TNFRSF8: variants seen among roughly 807,000 people sequenced by gnomAD.
The protein encoded by TNFRSF8 is TNF receptor superfamily member 8, also known as tumor necrosis factor receptor superfamily member 8.
TNFRSF8 carries 26 observed loss-of-function variants against 70.8 expected under a neutral mutation model. The observed-to-expected ratio is 0.37, with a 90% CI of 0.27 to 0.51. The LOEUF (loss-of-function observed/expected upper bound fraction) is 0.51, where lower values mean the gene tolerates loss of function less well. Ranked by LOEUF, TNFRSF8 falls within the 20% of genes least tolerant of loss-of-function variation. The pLI is 0.94. For missense variants in TNFRSF8, 720 were observed against 807.9 expected (o/e 0.89, Z 1.32); for synonymous variants, 356 against 339.2 (o/e 1.05, Z -0.54).
rs535847905 is a variant in TNFRSF8, at chr1:12,071,380, A to G, written c.63+7719A>G. On this transcript the variant is annotated intron_variant, in intron 1 of 14. Transcript: ENST00000263932. ...CTTGAACCTGGGAGGCAGAGGTTGC[A>G]TCAAGCTGAGATCGCAGCACTGCAC... 9.2e-5 allele frequency among the ~76,000 whole-genome samples: 14 copies of G among 152,376 alleles called. No individual in the cohort carries two copies. The South Asian group carries it at 2.9e-3, about 32-fold the overall frequency.
intron 14 of TNFRSF8, among the ~76,000 whole-genome samples, chr1:12,139,637 G>C (rs917790058): frequency 1.3e-5 from 2 of 152,192 alleles, no homozygotes; most frequent in African/African-American, 4.8e-5. Context: ...TTCTGGAAGG[G>C]TAACTGGCAC....
intron 1 of TNFRSF8, among the ~76,000 whole-genome samples, chr1:12,074,568 C>G (rs1640904000): frequency 6.6e-6 from 1 of 152,166 alleles, no homozygotes; most frequent in African/African-American, 2.4e-5. Context: ...GCATGAGCCA[C>G]CAGGCCCGGC....
intron 3 of TNFRSF8, among the ~76,000 whole-genome samples, chr1:12,098,213 T>C (rs1641363365): frequency 6.6e-6 from 1 of 152,220 alleles, no homozygotes; most frequent in Non-Finnish European, 1.5e-5. Flanking sequence ...CTGGAAGAAG[T>C]AGCAAAGGTT....
Position 12,110,164 on chromosome 1 carries a change from C to T in TNFRSF8, c.636C>T (p.Pro212=), listed in dbSNP as rs142042185. 4.4e-5 allele frequency: 71 copies of T among 1,610,918 alleles called. No homozygotes were observed. Among genetic ancestry groups the T allele is most frequent in the African/African-American group, 1.5e-4 (11 of 74,882 alleles). ...CTGCTTCTAAACTGACGAGGGCTCC[C>T]GACTCTCCCTCCTCTGTGGGAAGGC... is the stretch of plus-strand genomic sequence containing the variant. The part of the protein sequence containing the change: ...QEAASKLTRA[P]DSPSSVGRPS... The change falls in exon 6 of 15, where the codon CCC becomes CCT. Residue 212 remains proline (P), a synonymous_variant. Transcript: ENST00000263932. This position sits in a 1 kb window ranked among gnomAD's most constrained non-coding sequence, Gnocchi z 4.0.
intron 3 of TNFRSF8, among the ~76,000 whole-genome samples, chr1:12,100,227 G>C (rs903866783): frequency 6.6e-6 from 1 of 152,080 alleles, no homozygotes; most frequent in Non-Finnish European, 1.5e-5. Context: ...GGCACTTACC[G>C]TGAATGGAGC....
intron 1 of TNFRSF8, among the ~76,000 whole-genome samples, chr1:12,080,083 G>A (rs1438522614): frequency 6.6e-6 from 1 of 151,594 alleles, no homozygotes; most frequent in Non-Finnish European, 1.5e-5. Context: ...TGAGTAGTTG[G>A]GATTACAGGC....
At chr1:12,075,274 C>T (rs952041853) in intron 1 of TNFRSF8, among the ~76,000 whole-genome samples, 3 of 146,852 alleles carry the variant, frequency 2.0e-5, no homozygotes, top group Non-Finnish European at 3.0e-5. Context: ...TTTAAAGAGA[C>T]AGGGTCTTGC....
chr1:12,105,547 T>TCTCTCTCA (rs1553156013), intron 4 of TNFRSF8, among the ~76,000 whole-genome samples: 3 of 123,768 alleles, frequency 2.4e-5, no homozygotes, highest in Non-Finnish European at 5.1e-5. Flanking sequence ...TCTCTCTCTC[T>TCTCTCTCA]CTCACTCACT....
chr1:12,105,939 CAA>C (rs748432437), intron 4 of TNFRSF8, among the ~76,000 whole-genome samples: 20 of 64,938 alleles, frequency 3.1e-4, no homozygotes, highest in African/African-American at 5.9e-4. Context: ...GACTCCGTCT[CAA>C]AAAAAAAAAA....
chr1:12,141,217 G>A lies in TNFRSF8; in HGVS notation c.1544-1070G>A, dbSNP rs1320282551. 6.6e-6 allele frequency among the ~76,000 whole-genome samples: 1 copy of A among 152,098 alleles called. No individual in the cohort carries two copies. Among genetic ancestry groups the A allele is most frequent in the South Asian group, 2.1e-4 (1 of 4,828 alleles). ...ATTACCCAGAAAGGCAGGGGTCCCTGCACCCCCACCCCACCCCAGCTCTCA... is the reference window on the plus strand; with the variant it reads ...ATTACCCAGAAAGGCAGGGGTCCCTACACCCCCACCCCACCCCAGCTCTCA... On this transcript the variant is annotated intron_variant, in intron 14 of 14. Transcript: ENST00000263932. The surrounding 1 kb of genome is among the most constrained non-coding windows in gnomAD (Gnocchi z 5.4).
rs948853099 is a variant in TNFRSF8, at chr1:12,141,917, G to A, written c.1544-370G>A. ...CAGGAGGGCTGGGGACCCAGGAGTG[G>A]GGGTGTGGAAACTGCTCAGCTCTGC... is the stretch of plus-strand genomic sequence containing the variant. On this transcript the variant is annotated intron_variant, in intron 14 of 14. Coordinates refer to ENST00000263932, the MANE Select transcript of TNFRSF8 (RefSeq NM_001243.5). This position sits in a 1 kb window ranked among gnomAD's most constrained non-coding sequence, Gnocchi z 5.4. 6.6e-6 allele frequency among the ~76,000 whole-genome samples: 1 copy of A among 152,158 alleles called. No homozygotes were observed. Among genetic ancestry groups the A allele is most frequent in the Non-Finnish European group, 1.5e-5 (1 of 68,018 alleles).
At position 12,105,622 on chromosome 1, in the gene TNFRSF8, G is replaced by A. The variant is rs1274840810; in HGVS notation, c.421+1091G>A. On this transcript the variant is annotated intron_variant, in intron 4 of 14. Coordinates refer to ENST00000263932, the MANE Select transcript of TNFRSF8 (RefSeq NM_001243.5). The stretch of plus-strand genomic sequence containing the variant: ...ACGGATATATACCTGAAATGCTTCA[G>A]TATCTTCCTGTTACTCTAAAGATAA... Among the ~76,000 whole-genome samples, 6 of 150,814 alleles carry A rather than the reference G, an allele frequency of 4.0e-5. No individual in the cohort carries two copies. The East Asian group carries it at 1.2e-3, about 29-fold the overall frequency.
rs2101025672 is a variant in TNFRSF8 at position 12,123,389 on chromosome 1, A to G, written c.1040+12A>G. The stretch of plus-strand genomic sequence containing the variant: ...GAGGCGCCTGCCAGGTGACTCCCCC[A>G]CCCCTTCTCTCTGTTTGGCTGCTGC... On this transcript the variant is annotated intron_variant, in intron 9 of 14. Coordinates refer to ENST00000263932, the MANE Select transcript of TNFRSF8 (RefSeq NM_001243.5). The G allele has an allele frequency of 1.3e-6, 2 of 1,593,696 alleles. No individual in the cohort carries two copies. The highest frequency in any genetic ancestry group is 1.7e-6 in the Non-Finnish European group (2 of 1,169,996).
chr1:12,107,941 G>A lies in TNFRSF8; in HGVS notation c.422-1625G>A, dbSNP rs564023868. Among the ~76,000 whole-genome samples, 16 of 152,192 alleles carry A rather than the reference G, an allele frequency of 1.1e-4. 1 individual carries two copies. Among genetic ancestry groups the A allele is most frequent in the Admixed American group, 2.6e-4 (4 of 15,270 alleles). The stretch of plus-strand genomic sequence containing the variant: ...TCCGGAGATGGGAGGTAAATTGCCC[G>A]CGGAGACAGAGCAGGAAATGTCTAA... On this transcript the variant is annotated intron_variant, in intron 4 of 14. Transcript: ENST00000263932.
intron 1 of TNFRSF8, 56 bp from the exon 2 acceptor site, chr1:12,084,408 A>T: frequency 6.7e-7 from 1 of 1,495,076 alleles, no homozygotes; most frequent in Non-Finnish European, 9.3e-7. Context: ...GTGGGGACAG[A>T]GGGAGTATGG....
chr1:12,076,378 G>A (rs1415031942), intron 1 of TNFRSF8, among the ~76,000 whole-genome samples: 1 of 152,158 alleles, frequency 6.6e-6, no homozygotes, highest in East Asian at 1.9e-4. Context: ...GGGATTACAA[G>A]CGTGAGCTAC....
chr1:12,142,719 C>CCCTG lies in TNFRSF8; in HGVS notation c.*189_*192dup. 5.4e-6 allele frequency: 4 copies of CCCTG among 739,686 alleles called. No homozygotes were observed. Among genetic ancestry groups the CCCTG allele is most frequent in the Non-Finnish European group, 8.5e-6 (4 of 467,864 alleles). The allele number at this position is 739,686 out of a possible 1,614,324, so 45.8% of individuals were successfully genotyped here. On this transcript the variant is annotated 3_prime_UTR_variant, in exon 15 of 15. Transcript: ENST00000263932. This position sits in a 1 kb window ranked among gnomAD's most constrained non-coding sequence, Gnocchi z 5.0. Reference sequence around the variant, plus strand: ...TGCTTGCATCCCCAACTTAGCTGTCCCCTGACCCAGAGCCTAGGGGATCCG... The same window carrying CCCTG: ...TGCTTGCATCCCCAACTTAGCTGTCCCCTGCCTGACCCAGAGCCTAGGGGATCCG...
At chr1:12,118,510 C>T (rs1203686622) in intron 8 of TNFRSF8, among the ~76,000 whole-genome samples, 1 of 152,208 alleles carries the variant, frequency 6.6e-6, no homozygotes, top group Non-Finnish European at 1.5e-5. Flanking sequence ...GAAATTCTTA[C>T]CACACATGAA....
At chr1:12,123,469 G>T in intron 9 of TNFRSF8, 92 bp downstream of exon 9, 1 of 1,278,980 alleles carries the variant, frequency 7.8e-7, no homozygotes, top group Non-Finnish European at 1.1e-6. Context: ...AGCTGGGCTG[G>T]GGGTGGAGGT....
Sources: gnomAD v4.1 joint callset for allele counts (sites outside exome capture counted in the v4.1 genomes callset) on GRCh38, gnomAD v4.1.1 for gene constraint, Gnocchi (gnomAD v3.1) non-coding constraint, MANE v1.5 for transcripts, NCBI Gene and HGNC (gene_info 2026-07-23, HGNC 2026-07-21) for gene names.